The following NRG1 variants were observed in gnomAD, a reference collection of about 807,000 sequenced individuals.
NRG1 encodes pro-neuregulin-1, membrane-bound isoform.
In NRG1, 18 loss-of-function variants were observed where a neutral mutation model predicts 63.8. That is an observed-to-expected ratio of 0.28 (90% CI 0.19 to 0.42). NRG1 has a LOEUF of 0.42. Ranked by LOEUF, NRG1 falls within the 10% of genes least tolerant of loss-of-function variation. The pLI, the probability that NRG1 is intolerant of heterozygous loss-of-function variation, is 1.00. For missense variants in NRG1, 762 were observed against 814.7 expected, an observed-to-expected ratio of 0.94 and a Z score of 0.79; for synonymous variants, 302 against 301.3, an observed-to-expected ratio of 1.00 and a Z score of -0.02.
At chr8:32,062,655 C>T (rs1202759247) in intron 1 of NRG1, among the ~76,000 whole-genome samples, 1 of 152,010 alleles carries the variant, frequency 6.6e-6, no homozygotes, top group Admixed American at 6.6e-5. Context: ...ATGGTAGTCC[C>T]TTTCTTTTCT....
At chr8:31,753,078 G>C (rs1816643536) in intron 1 of NRG1, among the ~76,000 whole-genome samples, 1 of 151,946 alleles carries the variant, frequency 6.6e-6, no homozygotes. Context: ...AGATGGAATT[G>C]ACTAGAAGAT....
chr8:32,374,890 C>G (rs892940193), intron 1 of NRG1, among the ~76,000 whole-genome samples: 4 of 152,094 alleles, frequency 2.6e-5, no homozygotes, highest in African/African-American at 4.8e-5. Context: ...CACCCCAAGT[C>G]CTTGAGTGAG....
At chr8:31,965,985 T>A (rs185790845) in intron 1 of NRG1, among the ~76,000 whole-genome samples, 55 of 152,198 alleles carry the variant, frequency 3.6e-4, no homozygotes, top group African/African-American at 1.3e-3. Flanking sequence ...GAGAGAAAGC[T>A]GAGGATTGAA....
At chr8:32,715,867 C>T (rs1819083585) in intron 5 of NRG1, among the ~76,000 whole-genome samples, 2 of 152,304 alleles carry the variant, frequency 1.3e-5, no homozygotes, top group South Asian at 4.1e-4. Context: ...TGGTCTTGAA[C>T]TCCGAACCTT....
intron 1 of NRG1, among the ~76,000 whole-genome samples, chr8:32,567,429 A>C (rs1309873974): frequency 6.6e-6 from 1 of 152,224 alleles, no homozygotes; most frequent in Non-Finnish European, 1.5e-5. Flanking sequence ...ATCAAAAATT[A>C]GATTAAAAAA....
Position 31,880,480 on chromosome 8 carries a change from T to C in NRG1, c.37+241049T>C, listed in dbSNP as rs73671962. On this transcript the variant is annotated intron_variant, in intron 1 of 10. Coordinates refer to the NRG1 transcript ENST00000519301. ...TTGTTTATTTCTTCAAGTGAAGAAA[T>C]GGGTCTAATAGTACCTATCACACAA... Among the ~76,000 whole-genome samples the C allele has an allele frequency of 7.9e-3, 1,198 of 152,294 alleles. 20 individuals are homozygous for C. The highest frequency in any genetic ancestry group is 0.027 in the African/African-American group (1,120 of 41,578).
chr8:32,580,310 C>T (rs1245673319), intron 1 of NRG1, among the ~76,000 whole-genome samples: 1 of 152,110 alleles, frequency 6.6e-6, no homozygotes, highest in Non-Finnish European at 1.5e-5. Flanking sequence ...CTTTGGGAGC[C>T]ATTATTCTGC....
intron 1 of NRG1, among the ~76,000 whole-genome samples, chr8:32,149,221 G>T (rs1325580081): frequency 6.6e-6 from 1 of 152,204 alleles, no homozygotes; most frequent in Non-Finnish European, 1.5e-5. Flanking sequence ...CAGAGAAGAA[G>T]ATAAGTCTTA....
At chr8:32,672,054 T>C (rs1805806311) in intron 5 of NRG1, among the ~76,000 whole-genome samples, 1 of 149,572 alleles carries the variant, frequency 6.7e-6, no homozygotes. Context: ...TCTCCTACTT[T>C]TTTTTTTTTT....
At chr8:32,626,711 G>A (rs1849357114) in intron 5 of NRG1, among the ~76,000 whole-genome samples, 1 of 151,594 alleles carries the variant, frequency 6.6e-6, no homozygotes, top group Admixed American at 6.6e-5. Context: ...GAAGCCATTT[G>A]TGGTTATGTA....
At chr8:32,646,177 A>G (rs1853488888) in intron 5 of NRG1, among the ~76,000 whole-genome samples, 1 of 152,110 alleles carries the variant, frequency 6.6e-6, no homozygotes, top group Non-Finnish European at 1.5e-5. Flanking sequence ...GAGATAGAAT[A>G]AATGGAAATT....
In NRG1 at chr8:32,118,879, C is replaced by G. The variant is rs572010201; in HGVS notation, c.38-476949C>G. On this transcript the variant is annotated intron_variant, in intron 1 of 10. Coordinates refer to the NRG1 transcript ENST00000519301. ...CTCCTTGTACCTCATCTGGTCCCAT[C>G]CCTAAGAAAAGAGACCAAAGAGCCA... Among the ~76,000 whole-genome samples, 6 of 151,956 alleles carry G rather than the reference C, an allele frequency of 3.9e-5. No individual in the cohort carries two copies. The South Asian group carries it at 1.2e-3, about 32-fold the overall frequency.
intron 1 of NRG1, among the ~76,000 whole-genome samples, chr8:31,918,838 C>CT (rs201738323): frequency 0.67 from 100,254 of 150,674 alleles, 33,691 homozygotes; most frequent in East Asian, 0.92. Flanking sequence ...GTCCTGGACT[C>CT]TTTTTGGTTG....
At chr8:32,014,743 T>C (rs536434430) in intron 1 of NRG1, among the ~76,000 whole-genome samples, 3 of 145,568 alleles carry the variant, frequency 2.1e-5, no homozygotes, top group African/African-American at 7.5e-5. Flanking sequence ...TGTTGAAGTC[T>C]TAAATCCCAA....
intron 1 of NRG1, among the ~76,000 whole-genome samples, chr8:31,740,683 G>C (rs1224099635): frequency 4.2e-5 from 6 of 144,484 alleles, no homozygotes; most frequent in African/African-American, 1.3e-4. Flanking sequence ...GTGTGTGTGT[G>C]TGAGAGAGAG....
intron 1 of NRG1, among the ~76,000 whole-genome samples, chr8:31,835,466 A>G (rs1446859562): frequency 1.3e-5 from 2 of 152,146 alleles, no homozygotes; most frequent in African/African-American, 4.8e-5. Context: ...GCTAAAAGGA[A>G]GCAGGAAATG....
chr8:31,842,129 A>G (rs2129607859), intron 1 of NRG1, among the ~76,000 whole-genome samples: 1 of 152,366 alleles, frequency 6.6e-6, no homozygotes, highest in South Asian at 2.1e-4. Flanking sequence ...ACCCAGGGAC[A>G]GAAGACTTGG....
chr8:32,706,318 T>G (rs1816398488), intron 5 of NRG1, among the ~76,000 whole-genome samples: 1 of 152,222 alleles, frequency 6.6e-6, no homozygotes, highest in Admixed American at 6.5e-5. Flanking sequence ...ACTTTATATC[T>G]TCTCTCATTT....
At chr8:31,666,085 C>G (rs1806511519) in intron 1 of NRG1, among the ~76,000 whole-genome samples, 1 of 152,138 alleles carries the variant, frequency 6.6e-6, no homozygotes, top group African/African-American at 2.4e-5. Context: ...GAACCAACAG[C>G]CCTTCGAAAG....
Sources: allele counts gnomAD v4.1 joint callset (sites outside exome capture counted in the v4.1 genomes callset), GRCh38; gene constraint gnomAD v4.1.1; transcripts MANE v1.5; gene names NCBI Gene and HGNC (gene_info 2026-07-23, HGNC 2026-07-21).